SPOCK3: variants seen among roughly 807,000 people sequenced by gnomAD.
SPOCK3 encodes SPARC (osteonectin), cwcv and kazal like domains proteoglycan 3, also known as testican-3.
SPOCK3 carries 30 observed loss-of-function variants against 56.6 expected under a neutral mutation model. The observed-to-expected ratio is 0.53, with a 90% CI of 0.40 to 0.72. The LOEUF is 0.72. Among genes scored for constraint, SPOCK3 ranks in the 30% least tolerant of loss-of-function variants. The pLI is 0.00. For synonymous variants in SPOCK3, 196 were observed against 183.3 expected (o/e 1.07, Z -0.56); for missense variants, 527 against 530.0 (o/e 0.99, Z 0.06).
intron 4 of SPOCK3, among the ~76,000 whole-genome samples, chr4:166,941,123 C>T (rs1227279874): frequency 6.6e-6 from 1 of 152,094 alleles, no homozygotes; most frequent in Admixed American, 6.5e-5. Flanking sequence ...CGTTTGGTCA[C>T]AGTTAAAACA....
intron 2 of SPOCK3, among the ~76,000 whole-genome samples, chr4:167,064,035 T>A (rs149856854): frequency 1.2e-3 from 187 of 152,042 alleles, no homozygotes; most frequent in East Asian, 0.011. Flanking sequence ...CTAGCCTCTT[T>A]TTTAGTGTCT....
chr4:167,023,167 C>T (rs968461492), intron 3 of SPOCK3, among the ~76,000 whole-genome samples: 1 of 151,868 alleles, frequency 6.6e-6, no homozygotes, highest in African/African-American at 2.4e-5. Context: ...GCCAAAACTG[C>T]CAAGAGCAGA....
intron 2 of SPOCK3, among the ~76,000 whole-genome samples, chr4:167,072,226 A>C (rs1284251963): frequency 6.6e-6 from 1 of 152,050 alleles, no homozygotes; most frequent in Non-Finnish European, 1.5e-5. Flanking sequence ...TATAGCCCCA[A>C]AGCCTTCATT....
At chr4:166,855,105 C>T (rs1341172139) in intron 6 of SPOCK3, among the ~76,000 whole-genome samples, 2 of 152,094 alleles carry the variant, frequency 1.3e-5, no homozygotes, top group Admixed American at 6.6e-5. Flanking sequence ...CCAGAACAGA[C>T]TTATACACTG....
intron 4 of SPOCK3, among the ~76,000 whole-genome samples, chr4:166,917,720 G>A (rs1208041163): frequency 6.6e-6 from 1 of 151,934 alleles, no homozygotes; most frequent in African/African-American, 2.4e-5. Context: ...GCTCCTTCGT[G>A]AAGGAAGTGC....
At chr4:166,812,039 C>A (rs902198460) in intron 6 of SPOCK3, among the ~76,000 whole-genome samples, 1 of 151,708 alleles carries the variant, frequency 6.6e-6, no homozygotes, top group Non-Finnish European at 1.5e-5. Context: ...AATATTTAAT[C>A]GGAACATTAA....
rs149320907 is a variant in SPOCK3 at position 166,808,446 on chromosome 4, T to TTC, written c.590-16159_590-16158dup. Among the ~76,000 whole-genome samples, 577 of 147,138 alleles carry TTC rather than the reference T, an allele frequency of 3.9e-3. 1 individual carries two copies. Among genetic ancestry groups the TTC allele is most frequent in the Middle Eastern group, 0.018 (5 of 284 alleles). On this transcript the variant is annotated intron_variant, in intron 6 of 10. Coordinates refer to ENST00000357545, the MANE Select transcript of SPOCK3 (RefSeq NM_001040159.2). The stretch of plus-strand genomic sequence containing the variant: ...ACTGTGGGTTCACACAAAGAAGAAA[T>TTC]TCTCTCTCTCTCTCTCTCTCTCTCT...
At chr4:166,812,478 C>T (rs1743938314) in intron 6 of SPOCK3, among the ~76,000 whole-genome samples, 1 of 151,798 alleles carries the variant, frequency 6.6e-6, no homozygotes, top group Non-Finnish European at 1.5e-5. Flanking sequence ...TGTGATTCCT[C>T]TTAAGGGAAG....
At chr4:166,992,713 AC>A (rs1455111020) in intron 4 of SPOCK3, among the ~76,000 whole-genome samples, 1 of 119,482 alleles carries the variant, frequency 8.4e-6, no homozygotes, top group Non-Finnish European at 1.9e-5. Flanking sequence ...TTTAAAAGTA[AC>A]CTTCATTAAT....
chr4:166,755,577 T>C (rs1054652111), intron 7 of SPOCK3, among the ~76,000 whole-genome samples: 3 of 152,222 alleles, frequency 2.0e-5, no homozygotes, highest in Admixed American at 6.5e-5. Flanking sequence ...GCTTATCTAG[T>C]TGTTGTTTAA....
intron 6 of SPOCK3, among the ~76,000 whole-genome samples, chr4:166,864,059 A>G (rs1731522878): frequency 6.6e-6 from 1 of 152,194 alleles, no homozygotes; most frequent in Non-Finnish European, 1.5e-5. Context: ...AGCAAATGCA[A>G]AAGAATGGAA....
intron 6 of SPOCK3, among the ~76,000 whole-genome samples, chr4:166,844,145 T>C (rs945119838): frequency 6.6e-6 from 1 of 152,218 alleles, no homozygotes; most frequent in African/African-American, 2.4e-5. Flanking sequence ...AGCCCACTGA[T>C]GTCTTGTGTT....
intron 2 of SPOCK3, among the ~76,000 whole-genome samples, chr4:167,210,631 ATGTT>A (rs1339327131): frequency 8.5e-5 from 13 of 152,190 alleles, no homozygotes; most frequent in African/African-American, 1.4e-4. Context: ...TAGATGAAGA[ATGTT>A]TGTTTTTGAA....
intron 6 of SPOCK3, among the ~76,000 whole-genome samples, chr4:166,797,659 AT>A (rs36052270): frequency 9.2e-5 from 14 of 151,638 alleles, no homozygotes; most frequent in Admixed American, 6.6e-4. Flanking sequence ...TTAAAAACTT[AT>A]TTTTTTTCTG....
intron 6 of SPOCK3, among the ~76,000 whole-genome samples, chr4:166,810,832 T>C (rs1743691476): frequency 6.6e-6 from 1 of 151,980 alleles, no homozygotes; most frequent in African/African-American, 2.4e-5. Flanking sequence ...CTTTATCTTC[T>C]GTTATTGAAA....
At chr4:167,111,124 G>A (rs1376102775) in intron 2 of SPOCK3, among the ~76,000 whole-genome samples, 1 of 151,788 alleles carries the variant, frequency 6.6e-6, no homozygotes, top group Non-Finnish European at 1.5e-5. Flanking sequence ...AAATGTGGAT[G>A]TATAGACTAT....
At chr4:167,156,808 G>T (rs1013111686) in intron 2 of SPOCK3, among the ~76,000 whole-genome samples, 2 of 152,068 alleles carry the variant, frequency 1.3e-5, no homozygotes. Context: ...GCTGAAAATG[G>T]AATTATTAAG....
At chr4:166,937,127 T>A (rs1740492716) in intron 4 of SPOCK3, among the ~76,000 whole-genome samples, 1 of 151,948 alleles carries the variant, frequency 6.6e-6, no homozygotes, top group African/African-American at 2.4e-5. Context: ...TTTGTCCTGG[T>A]CACAACAAAA....
chr4:167,198,173 T>C (rs1163909866), intron 2 of SPOCK3, among the ~76,000 whole-genome samples: 1 of 152,164 alleles, frequency 6.6e-6, no homozygotes, highest in Non-Finnish European at 1.5e-5. Context: ...AAAATAAGAA[T>C]GTCAAAATGG....
Sources: allele counts gnomAD v4.1 joint callset (sites outside exome capture counted in the v4.1 genomes callset), GRCh38; gene constraint gnomAD v4.1.1; transcripts MANE v1.5; gene names NCBI Gene and HGNC (gene_info 2026-07-23, HGNC 2026-07-21).